The following PTPRN2 variants were observed in gnomAD, a reference collection of about 807,000 sequenced individuals.
The protein encoded by PTPRN2 is receptor-type tyrosine-protein phosphatase N2.
In PTPRN2, 74 loss-of-function variants were observed where a neutral mutation model predicts 118.8. The observed-to-expected ratio is 0.62, with a 90% CI of 0.52 to 0.76. The LOEUF is 0.76. Among genes scored for constraint, PTPRN2 ranks in the 30% least tolerant of loss-of-function variants. PTPRN2 has a pLI of 0.00. For missense variants in PTPRN2, 1,481 were observed against 1,394.4 expected (o/e 1.06, Z -0.99); for synonymous variants, 641 against 608.0 (o/e 1.05, Z -0.80).
chr7:157,829,078 C>T lies in PTPRN2; in HGVS notation c.1788+69595G>A, dbSNP rs138256372. On this transcript the variant is annotated intron_variant, in intron 12 of 22. Coordinates refer to ENST00000389418, the MANE Select transcript of PTPRN2 (RefSeq NM_002847.5). Reference sequence around the variant, plus strand: ...CCAGGACACGTCTGCGATGCCAGCGCGGGGCGCAGCCGGGCGCGGGATGCT... The same window carrying T: ...CCAGGACACGTCTGCGATGCCAGCGTGGGGCGCAGCCGGGCGCGGGATGCT... 2.7e-3 allele frequency among the ~76,000 whole-genome samples: 411 copies of T among 152,394 alleles called. 3 individuals are homozygous for T. Among genetic ancestry groups the T allele is most frequent in the African/African-American group, 9.3e-3 (385 of 41,590 alleles).
intron 14 of PTPRN2, among the ~76,000 whole-genome samples, chr7:157,655,452 C>T (rs1477360049): frequency 1.3e-5 from 2 of 152,212 alleles, no homozygotes; most frequent in Non-Finnish European, 2.9e-5. Context: ...CCAGTCTATA[C>T]TATTATTAAC....
At chr7:158,124,248 T>C (rs1475317523) in intron 9 of PTPRN2, among the ~76,000 whole-genome samples, 2 of 152,244 alleles carry the variant, frequency 1.3e-5, no homozygotes, top group Non-Finnish European at 2.9e-5. Flanking sequence ...CCACTCCCGC[T>C]ATGCTGCCTT....
At chr7:158,175,813 G>A (rs573968243) in intron 5 of PTPRN2, among the ~76,000 whole-genome samples, 6 of 152,242 alleles carry the variant, frequency 3.9e-5, no homozygotes, top group East Asian at 3.9e-4. Flanking sequence ...ACAGTATCAC[G>A]GGGTGCCAAT....
At chr7:157,917,554 A>T (rs1798480166) in intron 11 of PTPRN2, among the ~76,000 whole-genome samples, 1 of 152,210 alleles carries the variant, frequency 6.6e-6, no homozygotes, top group African/African-American at 2.4e-5. Context: ...TGTCAGCTCC[A>T]ATTTCCAAGT....
chr7:158,345,669 A>C (rs1202827772), intron 2 of PTPRN2, among the ~76,000 whole-genome samples: 2 of 152,238 alleles, frequency 1.3e-5, no homozygotes, highest in Non-Finnish European at 2.9e-5. Flanking sequence ...ACTTGGTCAC[A>C]CACATTTTAT....
At position 157,981,258 on chromosome 7, in the gene PTPRN2, T is replaced by C. The variant is rs114512498; in HGVS notation, c.1724-82521A>G. On this transcript the variant is annotated intron_variant, in intron 11 of 22. Transcript: ENST00000389418. The stretch of plus-strand genomic sequence containing the variant: ...GTCACCAGAACCATTTAGACAATAA[T>C]GTGTGTGGACGAGACATGGAGAAGG... Among the ~76,000 whole-genome samples the C allele has an allele frequency of 8.5e-3, 1,297 of 152,306 alleles. 25 individuals carry two copies. Among genetic ancestry groups the C allele is most frequent in the African/African-American group, 0.03 (1,240 of 41,540 alleles).
intron 2 of PTPRN2, among the ~76,000 whole-genome samples, chr7:158,403,517 A>G (rs1406349911): frequency 6.6e-6 from 1 of 152,210 alleles, no homozygotes; most frequent in Non-Finnish European, 1.5e-5. Flanking sequence ...GCCCGGAGCA[A>G]GCACATTTAG....
chr7:158,420,545 A>G (rs1031546331), intron 2 of PTPRN2, among the ~76,000 whole-genome samples: 2 of 152,202 alleles, frequency 1.3e-5, no homozygotes, highest in African/African-American at 4.8e-5. Flanking sequence ...TAATGAGAAG[A>G]GTTATTTACA....
intron 11 of PTPRN2, among the ~76,000 whole-genome samples, chr7:157,980,055 A>T (rs1308784944): frequency 6.6e-6 from 1 of 152,232 alleles, no homozygotes; most frequent in Non-Finnish European, 1.5e-5. Flanking sequence ...AGGACTCCTT[A>T]GTCTTTGAAA....
At chr7:158,023,484 TAACTC>T (rs1327346363) in intron 11 of PTPRN2, among the ~76,000 whole-genome samples, 1 of 152,104 alleles carries the variant, frequency 6.6e-6, no homozygotes, top group Non-Finnish European at 1.5e-5. Context: ...TATTTTGAAA[TAACTC>T]AAGCAGAAGT....
At chr7:158,071,537 GATGGAGGTGCTCC>G (rs1811669458) in intron 11 of PTPRN2, among the ~76,000 whole-genome samples, 2 of 129,542 alleles carry the variant, frequency 1.5e-5, no homozygotes, top group Non-Finnish European at 3.3e-5. Flanking sequence ...TGCTCGTGAT[GATGGAGGTGCTCC>G]TGGTGGTGGA....
chr7:158,337,000 C>A (rs1232959467), intron 2 of PTPRN2, among the ~76,000 whole-genome samples: 6 of 75,520 alleles, frequency 7.9e-5, no homozygotes, highest in East Asian at 4.0e-4. Flanking sequence ...GTCACTCACA[C>A]CCACACTCTC....
At chr7:158,247,599 T>C (rs1240785438) in intron 3 of PTPRN2, among the ~76,000 whole-genome samples, 1 of 150,486 alleles carries the variant, frequency 6.6e-6, no homozygotes, top group Non-Finnish European at 1.5e-5. Context: ...CAAAGGGGAC[T>C]TGGGTGTCTG....
chr7:158,062,933 C>T (rs1049055859), intron 11 of PTPRN2, among the ~76,000 whole-genome samples: 11 of 152,352 alleles, frequency 7.2e-5, no homozygotes, highest in Admixed American at 3.3e-4. Context: ...TCCCATTGAC[C>T]GCCCAAAGGC....
intron 2 of PTPRN2, among the ~76,000 whole-genome samples, chr7:158,397,264 G>A (rs752594737): frequency 6.6e-6 from 1 of 152,214 alleles, no homozygotes; most frequent in Non-Finnish European, 1.5e-5. Flanking sequence ...AGGGGCTTGT[G>A]CCCAATGTGG....
chr7:158,274,977 G>A (rs922888854), intron 3 of PTPRN2, among the ~76,000 whole-genome samples: 2 of 152,182 alleles, frequency 1.3e-5, no homozygotes, highest in African/African-American at 4.8e-5. Flanking sequence ...CAACTCCTGG[G>A]GCGTAGCAGA....
At chr7:157,770,105 A>C (rs1483344481) in intron 12 of PTPRN2, among the ~76,000 whole-genome samples, 2 of 152,238 alleles carry the variant, frequency 1.3e-5, no homozygotes, top group Admixed American at 1.3e-4. Flanking sequence ...GGCCCCGGTG[A>C]ATGCTGCTTC....
chr7:158,133,580 C>T (rs1387865078), intron 9 of PTPRN2, 97 bp downstream of exon 9: 11 of 1,462,888 alleles, frequency 7.5e-6, no homozygotes, highest in Non-Finnish European at 7.3e-6. Flanking sequence ...CACTTAAAAG[C>T]GTATGCATCC....
chr7:158,352,773 A>G (rs1205845852), intron 2 of PTPRN2, among the ~76,000 whole-genome samples: 1 of 152,270 alleles, frequency 6.6e-6, no homozygotes, highest in Non-Finnish European at 1.5e-5. Flanking sequence ...ATTACCAAAT[A>G]TAGCTTTCAA....
Sources: gnomAD v4.1 joint callset for allele counts (sites outside exome capture counted in the v4.1 genomes callset) on GRCh38, gnomAD v4.1.1 for gene constraint, MANE v1.5 for transcripts, NCBI Gene and HGNC (gene_info 2026-07-23, HGNC 2026-07-21) for gene names.